KLF8: variants seen among roughly 807,000 people sequenced by gnomAD.
The protein encoded by KLF8 is KLF transcription factor 8.
Under a neutral mutation model 18.2 loss-of-function variants are expected in KLF8, and 10 were observed. The observed-to-expected ratio is 0.55, with a 90% CI of 0.34 to 0.93. The LOEUF (loss-of-function observed/expected upper bound fraction) is 0.93. Ranked by LOEUF, KLF8 falls within the 40% of genes least tolerant of loss-of-function variation. KLF8 has a pLI of 0.02. For synonymous variants in KLF8, 109 were observed against 97.3 expected (o/e 1.12, Z -0.71); for missense variants, 264 against 277.9 (o/e 0.95, Z 0.36).
the KLF8 span, among the ~76,000 whole-genome samples, chrX:55,964,922 A>G: frequency 7.9e-4 from 88 of 111,454 alleles, no homozygotes; most frequent in Middle Eastern, 9.3e-3. Context: ...AAAAATACCT[A>G]TCAACCAGAA....
the KLF8 span, among the ~76,000 whole-genome samples, chrX:56,155,258 T>A: frequency 8.9e-6 from 1 of 111,825 alleles, no homozygotes; most frequent in Non-Finnish European, 1.9e-5. Flanking sequence ...ATATACACCA[T>A]GGAATACTAT....
At chrX:56,000,276 T>A in the KLF8 span, among the ~76,000 whole-genome samples, 1 of 110,672 alleles carries the variant, frequency 9.0e-6, no homozygotes, top group Admixed American at 9.7e-5. Context: ...GCAACTATCT[T>A]CATCAGGCAT....
the KLF8 span, among the ~76,000 whole-genome samples, chrX:56,193,222 C>T: frequency 6.2e-5 from 7 of 112,444 alleles, no homozygotes; most frequent in Non-Finnish European, 1.3e-4. Context: ...TGAAAAGGTG[C>T]TCAACATCCC....
chrX:56,275,559 C>T lies in KLF8; in HGVS notation c.898+5238C>T, dbSNP rs1471744932. Among the ~76,000 whole-genome samples the T allele has an allele frequency of 4.5e-5, 5 of 111,510 alleles. No homozygotes were observed. In the East Asian group the frequency reaches 8.4e-4, roughly 19 times the overall value. On this transcript the variant is annotated intron_variant, in intron 5 of 5. Coordinates refer to ENST00000468660, the MANE Select transcript of KLF8 (RefSeq NM_007250.5). Reference sequence around the variant, plus strand: ...ATGTTGAATAAAGGTGAAATTGGGCCTCCTTGTCATGTTCCCAATCTTAGA... The same window carrying T: ...ATGTTGAATAAAGGTGAAATTGGGCTTCCTTGTCATGTTCCCAATCTTAGA...
the KLF8 span, among the ~76,000 whole-genome samples, chrX:56,194,963 A>G: frequency 8.9e-6 from 1 of 112,417 alleles, no homozygotes; most frequent in Non-Finnish European, 1.9e-5. Context: ...CCTCCAGCAA[A>G]TGCCAACAGC....
the KLF8 span, among the ~76,000 whole-genome samples, chrX:56,002,422 T>C: frequency 1.4e-4 from 3 of 21,576 alleles, no homozygotes; most frequent in Non-Finnish European, 3.5e-4. Flanking sequence ...TGTGTATGTG[T>C]GTGTGTGTGT....
At chrX:56,052,534 G>T in the KLF8 span, among the ~76,000 whole-genome samples, 2 of 111,867 alleles carry the variant, frequency 1.8e-5, no homozygotes, top group African/African-American at 6.5e-5. Flanking sequence ...GCCGTGTGAG[G>T]TGTCAGTGTG....
At chrX:55,910,835 A>G in the KLF8 span, among the ~76,000 whole-genome samples, 1 of 112,326 alleles carries the variant, frequency 8.9e-6, no homozygotes, top group African/African-American at 3.2e-5. Flanking sequence ...TAACTTGTTC[A>G]TGTCAATTAA....
chrX:56,187,361 T>C, the KLF8 span, among the ~76,000 whole-genome samples: 1 of 111,813 alleles, frequency 8.9e-6, no homozygotes, highest in Non-Finnish European at 1.9e-5. Context: ...TAACAGGCTC[T>C]GAAATTGTGG....
At chrX:56,219,156 A>T in the KLF8 span, among the ~76,000 whole-genome samples, 1 of 112,161 alleles carries the variant, frequency 8.9e-6, no homozygotes, top group Non-Finnish European at 1.9e-5. Flanking sequence ...AATTTGTATG[A>T]TGAAATATTC....
the KLF8 span, among the ~76,000 whole-genome samples, chrX:56,178,151 C>A: frequency 8.9e-6 from 1 of 112,139 alleles, no homozygotes; most frequent in Non-Finnish European, 1.9e-5. Context: ...GAACCTGGTA[C>A]CTCAGTTGGA....
the KLF8 span, among the ~76,000 whole-genome samples, chrX:56,113,175 G>A: frequency 9.4e-6 from 1 of 106,307 alleles, no homozygotes; most frequent in South Asian, 4.3e-4. Context: ...TCCAGCCTGG[G>A]CGACAGAGCA....
the KLF8 span, among the ~76,000 whole-genome samples, chrX:56,143,498 A>G: frequency 1.8e-5 from 2 of 112,388 alleles, no homozygotes; most frequent in Non-Finnish European, 3.8e-5. Flanking sequence ...GCCAGTGTCT[A>G]GAATAGTGCC....
chrX:55,927,939 A>G, the KLF8 span, among the ~76,000 whole-genome samples: 2 of 112,231 alleles, frequency 1.8e-5, no homozygotes, highest in African/African-American at 6.5e-5. Context: ...TGTCAAAACT[A>G]AACAGTGAAC....
the KLF8 span, among the ~76,000 whole-genome samples, chrX:55,948,188 A>T: frequency 8.9e-6 from 1 of 112,297 alleles, no homozygotes; most frequent in Non-Finnish European, 1.9e-5. Flanking sequence ...TTACACTCAC[A>T]CTAGAAGTTG....
chrX:56,074,050 G>A, the KLF8 span, among the ~76,000 whole-genome samples: 3,116 of 111,671 alleles, frequency 0.028, 125 homozygotes, highest in African/African-American at 0.096. Flanking sequence ...GCCTGGCAGT[G>A]ATGTTTAACA....
At chrX:55,974,022 T>A in the KLF8 span, among the ~76,000 whole-genome samples, 1 of 111,877 alleles carries the variant, frequency 8.9e-6, no homozygotes, top group Non-Finnish European at 1.9e-5. Context: ...AAAACAATGT[T>A]CATTTCAGCA....
the KLF8 span, among the ~76,000 whole-genome samples, chrX:56,151,744 A>C: frequency 9.0e-6 from 1 of 111,160 alleles, no homozygotes; most frequent in Non-Finnish European, 1.9e-5. Context: ...GGAATGAGAG[A>C]TGTGAGTTGA....
chrX:56,111,909 T>C, the KLF8 span, among the ~76,000 whole-genome samples: 1 of 112,120 alleles, frequency 8.9e-6, no homozygotes, highest in African/African-American at 3.2e-5. Flanking sequence ...TCAATTATTG[T>C]GGAAGACAGT....
Sources: gnomAD v4.1 joint callset for allele counts (sites outside exome capture counted in the v4.1 genomes callset) on GRCh38, gnomAD v4.1.1 for gene constraint, MANE v1.5 for transcripts, NCBI Gene and HGNC (gene_info 2026-07-23, HGNC 2026-07-21) for gene names.